The following CYFIP1 variants were observed in gnomAD, a reference collection of about 807,000 sequenced individuals.
CYFIP1 encodes the protein cytoplasmic FMR1-interacting protein 1.
Under a neutral mutation model 163.5 loss-of-function variants are expected in CYFIP1, and 58 were observed. That is an observed-to-expected ratio of 0.35 (90% confidence interval 0.29 to 0.44). The LOEUF (loss-of-function observed/expected upper bound fraction) is 0.44, where lower values mean the gene tolerates loss of function less well. Among genes scored for constraint, CYFIP1 ranks in the 20% least tolerant of loss-of-function variants. CYFIP1 has a pLI of 1.00. For missense variants in CYFIP1, 1,338 were observed against 1,653.8 expected, an observed-to-expected ratio of 0.81 and a Z score of 3.31; for synonymous variants, 663 against 660.7, an observed-to-expected ratio of 1.00 and a Z score of -0.05.
At chr15:22,943,039 G>A (rs2061941895) in intron 6 of CYFIP1, 134 bp downstream of exon 6, 1 of 783,362 alleles carries the variant, frequency 1.3e-6, no homozygotes. Context: ...ACACAGCCCT[G>A]ACACTGAGAC....
chr15:22,885,417 G>A (rs2059902022), intron 23 of CYFIP1, among the ~76,000 whole-genome samples: 1 of 152,120 alleles, frequency 6.6e-6, no homozygotes, highest in African/African-American at 2.4e-5. Flanking sequence ...ATTGTCCATA[G>A]CACCATCAGC....
rs1306798359 is a variant in CYFIP1, at chr15:22,932,299, A to G, written c.1034T>C (p.Ile345Thr). The change falls in exon 11 of 31, where the codon ATC (isoleucine) becomes ACC (threonine). Residue 345 changes from isoleucine (I) to threonine (T), a missense_variant. By Grantham distance (89) the Ile-to-Thr change is moderately conservative (BLOSUM62 -1). This residue lies in a region of CYFIP1 where 824 missense variants were observed against 995.7 expected (regional missense o/e 0.83). Transcript: ENST00000617928. ...TSSGSSPQYN[I>T]CEQMIQIRED... ...GCGGATCTGGATCATCTGCTCGCAG[A>G]TGTTGTACTGAGGGCTGCTGCCGGA... 1.2e-6 allele frequency: 2 copies of G among 1,612,678 alleles called. No individual in the cohort carries two copies. The highest frequency in any genetic ancestry group is 8.5e-7 in the Non-Finnish European group (1 of 1,179,440).
At chr15:22,896,456 C>T (rs1007477486) in intron 22 of CYFIP1, among the ~76,000 whole-genome samples, 2 of 152,062 alleles carry the variant, frequency 1.3e-5, no homozygotes, top group Non-Finnish European at 2.9e-5. Context: ...ATTCCAATCA[C>T]AGGCATATTA....
intron 11 of CYFIP1, among the ~76,000 whole-genome samples, chr15:22,929,863 G>A (rs1331406127): frequency 2.0e-5 from 3 of 151,186 alleles, no homozygotes; most frequent in Non-Finnish European, 2.9e-5. Context: ...GTGAACCTGG[G>A]AGGCGGAGCT....
chr15:22,926,268 TG>T (rs2061354686), intron 12 of CYFIP1, among the ~76,000 whole-genome samples, 161 bp from the exon 13 acceptor site: 1 of 152,206 alleles, frequency 6.6e-6, no homozygotes, highest in South Asian at 2.1e-4. Context: ...TCTCCACAGA[TG>T]GGCAAAAGAC....
At chr15:22,870,230 C>A in intron 30 of CYFIP1, 38 bp from the exon 31 acceptor site, 1 of 1,555,344 alleles carries the variant, frequency 6.4e-7, no homozygotes, top group South Asian at 1.2e-5. Flanking sequence ...ACTATTAACA[C>A]TTCAACATTT....
In CYFIP1 at chr15:22,875,214, G is replaced by T. The variant is rs1404007149; in HGVS notation, c.3100C>A (p.Arg1034=). 6.2e-7 allele frequency: 1 copy of T among 1,613,834 alleles called. No homozygotes were observed. The highest frequency in any genetic ancestry group is 1.3e-5 in the African/African-American group (1 of 74,876). Residue 1034 remains arginine, a synonymous_variant, in exon 27 of 31, where the codon CGA becomes AGA. Transcript: ENST00000617928. ...HAAPFQNILP[R]VHVKEGERLD... ...GCAGGCTCACCTTTCACATGGACTC[G>T]CGGCAAGATGTTCTGGAAAGGAGCC...
At chr15:22,935,714 A>G (rs1297795063) in intron 9 of CYFIP1, among the ~76,000 whole-genome samples, 1 of 152,170 alleles carries the variant, frequency 6.6e-6, no homozygotes, top group African/African-American at 2.4e-5. Flanking sequence ...TCTATGGCAC[A>G]GTAGCTATGG....
At chr15:22,901,666 A>G (rs2060397471) in intron 22 of CYFIP1, among the ~76,000 whole-genome samples, 1 of 152,194 alleles carries the variant, frequency 6.6e-6, no homozygotes, top group Non-Finnish European at 1.5e-5. Context: ...GAGCCACCAC[A>G]CGTAGCTCAC....
At chr15:22,924,709 G>C (rs749623215) in intron 13 of CYFIP1, among the ~76,000 whole-genome samples, 1 of 112,600 alleles carries the variant, frequency 8.9e-6, no homozygotes, top group Non-Finnish European at 1.8e-5. Context: ...GAACTGTATG[G>C]TTATGTGAAA....
chr15:22,960,107 C>G, intron 1 of CYFIP1, among the ~76,000 whole-genome samples: 1 of 152,308 alleles, frequency 6.6e-6, no homozygotes, highest in African/African-American at 2.4e-5. Flanking sequence ...GTCTCCCGGG[C>G]TCCACCACTG....
At chr15:22,975,441 CAAAAAAAAAAAA>C (rs35556120) in intron 1 of CYFIP1, among the ~76,000 whole-genome samples, 89 of 71,344 alleles carry the variant, frequency 1.2e-3, no homozygotes, top group Middle Eastern at 0.015. Context: ...GACTCCGTCT[CAAAAAAAAAAAA>C]AAAAAAAAAA....
chr15:22,879,480 G>T lies in CYFIP1; in HGVS notation c.3042+433C>A, dbSNP rs936143292. On this transcript the variant is annotated intron_variant, in intron 26 of 30. Transcript: ENST00000617928. ...ACTCGTGCTGTCCACCATGGGGCAC[G>T]TGCAGCCATTCAGATTTAAATCAGT... Among the ~76,000 whole-genome samples, 7 of 152,134 alleles carry T rather than the reference G, an allele frequency of 4.6e-5. 1 individual carries two copies. The highest frequency in any genetic ancestry group is 4.6e-4 in the Admixed American group (7 of 15,276).
rs973684009 is a variant in CYFIP1, at chr15:22,918,065, C to T, written c.1527-130G>A. On this transcript the variant is annotated intron_variant, in intron 14 of 30. Coordinates refer to ENST00000617928, the MANE Select transcript of CYFIP1 (RefSeq NM_014608.6). Reference sequence around the variant, plus strand: ...ATGAAAATACAAATTACTCTGGGGGCCATGGAGGGATGTGGTAATGGACCA... The same window carrying T: ...ATGAAAATACAAATTACTCTGGGGGTCATGGAGGGATGTGGTAATGGACCA... The T allele has an allele frequency of 1.5e-5, 16 of 1,061,646 alleles. No homozygotes were observed. In the African/African-American group the frequency reaches 2.1e-4, roughly 14 times the overall value. The allele number at this position is 1,061,646 out of a possible 1,614,324, so 65.8% of individuals were successfully genotyped here.
At position 22,917,571 on chromosome 15, in the gene CYFIP1, G is replaced by T; in HGVS notation, c.1674+217C>A. On this transcript the variant is annotated intron_variant, in intron 15 of 30. Transcript: ENST00000617928. The surrounding 1 kb of genome is among the most constrained non-coding windows in gnomAD (Gnocchi z 4.2). ...AAATGGAGTCAGACTCCTTTTTAGT[G>T]CACATGACACATCTGACAATCAAGG... is the stretch of plus-strand genomic sequence containing the variant. The T allele has an allele frequency of 1.6e-6, 1 of 615,580 alleles. No homozygotes were observed. The highest frequency in any genetic ancestry group is 2.7e-6 in the Non-Finnish European group (1 of 372,712). 38.1% of individuals were successfully genotyped at this position (615,580 alleles called of 1,614,324 possible). A position where few individuals can be genotyped will look rare whatever the true frequency, so the allele number is the denominator to read the frequency against.
Position 22,875,265 on chromosome 15 carries a change from C to T in CYFIP1, c.3049G>A (p.Glu1017Lys), listed in dbSNP as rs772883059. 4 of 1,613,908 alleles carry T rather than the reference C, an allele frequency of 2.5e-6. No homozygotes were observed. The African/African-American group carries it at 5.3e-5, about 22-fold the overall frequency. Residue 1017 changes from glutamate (E) to lysine (K), a missense_variant, in exon 27 of 31, where the codon GAA (glutamate) becomes AAA (lysine). Glu to Lys is a moderately conservative substitution (Grantham distance 56). This residue lies in a region of CYFIP1 where 306 missense variants were observed against 322.1 expected (regional missense o/e 0.95). Transcript: ENST00000617928. ...GCGTGCAGCAGGTCACACACTTCTT[C>T]TAAAGACTAGAGCAGAGAAAGAGAG... ...CLLIEQSLSL[E>K]EVCDLLHAAP... is the part of the protein sequence containing the mutation.
chr15:22,903,909 T>C lies in CYFIP1; in HGVS notation c.2389-4A>G. On this transcript the variant is annotated splice_region_variant and splice_polypyrimidine_tract_variant and intron_variant, in intron 21 of 30. Transcript: ENST00000617928. ...TTTCCAACAGGCCATCCAGCTCCTG[T>C]GGCACCAAAGACAGGGGTGGGTGAC... is the stretch of plus-strand genomic sequence containing the variant. 6.2e-7 allele frequency: 1 copy of C among 1,613,656 alleles called. No individual in the cohort carries two copies. The highest frequency in any genetic ancestry group is 8.5e-7 in the Non-Finnish European group (1 of 1,179,844).
At chr15:22,901,457 A>T (rs2060389702) in intron 22 of CYFIP1, among the ~76,000 whole-genome samples, 1 of 152,196 alleles carries the variant, frequency 6.6e-6, no homozygotes, top group African/African-American at 2.4e-5. Flanking sequence ...ATGAGCAGTG[A>T]GGGGACAGTT....
In CYFIP1 at chr15:22,916,518, T is replaced by A. The variant is rs746350407; in HGVS notation, c.1787A>T (p.His596Leu). The part of the protein sequence containing the change: ...GPTILDIEKF[H>L]RESFFYTHLI... Reference sequence around the variant, plus strand: ...GTGAGTGTAGAAGAATGACTCTCGATGAAATTTTTCTATGTCCAATATGGT... The same window carrying A: ...GTGAGTGTAGAAGAATGACTCTCGAAGAAATTTTTCTATGTCCAATATGGT... Residue 596 changes from histidine to leucine, a missense_variant, in exon 16 of 31, where the codon CAT (histidine) becomes CTT (leucine). This residue lies in a region of CYFIP1 where 824 missense variants were observed against 995.7 expected (regional missense o/e 0.83). Coordinates refer to ENST00000617928, the MANE Select transcript of CYFIP1 (RefSeq NM_014608.6). 1 of 1,613,936 alleles carries A rather than the reference T, an allele frequency of 6.2e-7. No homozygotes were observed.
Sources: gnomAD v4.1 joint callset for allele counts (sites outside exome capture counted in the v4.1 genomes callset) on GRCh38, gnomAD v4.1.1 for gene constraint, gnomAD v4.1.1 regional missense constraint, Gnocchi (gnomAD v3.1) non-coding constraint, MANE v1.5 for transcripts, NCBI Gene and HGNC (gene_info 2026-07-23, HGNC 2026-07-21) for gene names.